Variants in SLC30A9 observed in about 807,000 individuals in gnomAD.
SLC30A9 encodes solute carrier family 30 member 9.
In SLC30A9, 58 loss-of-function variants were observed where a neutral mutation model predicts 87.5. The ratio of observed to expected loss-of-function variants is 0.66; its 90% CI spans 0.54 to 0.82. SLC30A9 has a LOEUF of 0.82. SLC30A9 is among the 40% of genes least tolerant of loss of function. SLC30A9 has a pLI of 0.00. For synonymous variants in SLC30A9, 234 were observed against 233.0 expected (o/e 1.00, Z -0.04); for missense variants, 557 against 679.1 (o/e 0.82, Z 2.00).
chr4:42,028,816 G>A (rs1716298127), intron 6 of SLC30A9, among the ~76,000 whole-genome samples: 1 of 152,132 alleles, frequency 6.6e-6, no homozygotes, highest in Admixed American at 6.5e-5. Context: ...AATTCAAAAT[G>A]GAAATTTTTC....
In SLC30A9 at chr4:41,993,922, C is replaced by T. The variant is rs187306938; in HGVS notation, c.109+3162C>T. On this transcript the variant is annotated intron_variant, in intron 1 of 17. Transcript: ENST00000264451. ...CTGTAATCCCAACACTTTGGGAGGC[C>T]GAGGTAGGGGGATCACCTGAGGTCA... Among the ~76,000 whole-genome samples the T allele has an allele frequency of 1.7e-3, 258 of 152,170 alleles. 1 individual carries two copies. The highest frequency in any genetic ancestry group is 6.0e-3 in the African/African-American group (249 of 41,492).
At chr4:41,997,385 A>C (rs1714766671) in intron 1 of SLC30A9, among the ~76,000 whole-genome samples, 1 of 152,074 alleles carries the variant, frequency 6.6e-6, no homozygotes, top group South Asian at 2.1e-4. Flanking sequence ...TAATGATGTT[A>C]ATAAGACCTT....
At chr4:42,034,315 G>C (rs1309235432) in intron 6 of SLC30A9, among the ~76,000 whole-genome samples, 2 of 151,890 alleles carry the variant, frequency 1.3e-5, no homozygotes, top group Non-Finnish European at 2.9e-5. Context: ...CATTTTTAAA[G>C]GTACAGTTCA....
At position 42,001,875 on chromosome 4, in the gene SLC30A9, A is replaced by C. The variant is rs1715000581; in HGVS notation, c.274+95A>C. 8 of 817,934 alleles carry C rather than the reference A, an allele frequency of 9.8e-6. 1 individual carries two copies. The highest frequency in any genetic ancestry group is 1.6e-5 in the Non-Finnish European group (8 of 515,928). 50.7% of individuals were successfully genotyped at this position (817,934 alleles called of 1,614,324 possible). On this transcript the variant is annotated intron_variant, in intron 2 of 17. Coordinates refer to ENST00000264451, the MANE Select transcript of SLC30A9 (RefSeq NM_006345.4). The stretch of plus-strand genomic sequence containing the variant: ...TGGATGTTTGATAGAACTTACTTAT[A>C]ATACTGTCTGGACTGATGTTTTCTT...
chr4:42,039,612 G>A (rs1057316481), intron 8 of SLC30A9, among the ~76,000 whole-genome samples: 6 of 151,842 alleles, frequency 4.0e-5, no homozygotes, highest in Admixed American at 1.3e-4. Context: ...ATAGGTGCGC[G>A]CCATCATGCC....
At chr4:42,082,443 T>C (rs979900717) in intron 17 of SLC30A9, among the ~76,000 whole-genome samples, 5 of 152,210 alleles carry the variant, frequency 3.3e-5, no homozygotes, top group South Asian at 2.1e-4. Context: ...GTAATTATTA[T>C]TGGATTATTT....
intron 2 of SLC30A9, among the ~76,000 whole-genome samples, chr4:42,014,990 T>C (rs564169582): frequency 6.6e-6 from 1 of 152,294 alleles, no homozygotes; most frequent in South Asian, 2.1e-4. Context: ...TAGTATTTGA[T>C]AGCACAACAG....
chr4:42,061,009 G>A (rs1717824588), intron 10 of SLC30A9, among the ~76,000 whole-genome samples: 1 of 152,120 alleles, frequency 6.6e-6, no homozygotes, highest in Non-Finnish European at 1.5e-5. Context: ...TAGCTCTCTA[G>A]TGTGTTAATT....
chr4:42,058,485 A>G (rs1223384622), intron 9 of SLC30A9, among the ~76,000 whole-genome samples: 1 of 152,136 alleles, frequency 6.6e-6, no homozygotes, highest in African/African-American at 2.4e-5. Flanking sequence ...CCAGTTCCAA[A>G]GTTGCTTCCA....
intron 2 of SLC30A9, among the ~76,000 whole-genome samples, chr4:42,009,193 T>G (rs1475121067): frequency 6.6e-6 from 1 of 152,256 alleles, no homozygotes; most frequent in Non-Finnish European, 1.5e-5. Context: ...AATGTTAGTT[T>G]ATTTTCTTAT....
intron 14 of SLC30A9, among the ~76,000 whole-genome samples, chr4:42,068,366 C>G (rs1453242748): frequency 6.6e-6 from 1 of 152,028 alleles, no homozygotes; most frequent in Non-Finnish European, 1.5e-5. Context: ...GCCTCAGCCT[C>G]CCGAGTAGCT....
intron 1 of SLC30A9, among the ~76,000 whole-genome samples, chr4:42,000,978 A>T (rs76829284): frequency 0.028 from 4,264 of 152,118 alleles, 213 homozygotes; most frequent in African/African-American, 0.097. Context: ...TTGGTTTTCT[A>T]GTACTTGGGT....
chr4:41,993,892 C>T (rs1287665325), intron 1 of SLC30A9, among the ~76,000 whole-genome samples: 7 of 152,122 alleles, frequency 4.6e-5, no homozygotes, highest in African/African-American at 9.7e-5. Flanking sequence ...TGTGTTGGCT[C>T]ATGTCTGTAA....
At chr4:42,052,243 G>A (rs565230923) in intron 9 of SLC30A9, among the ~76,000 whole-genome samples, 1 of 152,042 alleles carries the variant, frequency 6.6e-6, no homozygotes, top group African/African-American at 2.4e-5. Context: ...ATCATAAAAT[G>A]TTGCTGAGAG....
chr4:42,022,982 T>C, intron 5 of SLC30A9, 52 bp downstream of exon 5: 1 of 1,025,136 alleles, frequency 9.8e-7, no homozygotes, highest in East Asian at 2.4e-5. Flanking sequence ...TTTGGATTAA[T>C]AAAAATACAT....
In SLC30A9 at chr4:42,070,638, G is replaced by C. The variant is rs139981842; in HGVS notation, c.1365G>C (p.Gln455His). Residue 455 changes from glutamine to histidine, a missense_variant, in exon 15 of 18, where the codon CAG (glutamine) becomes CAC (histidine). Gln to His is a conservative substitution (Grantham distance 24). This residue lies in a region of SLC30A9 where 90 missense variants were observed against 149.4 expected (regional missense o/e 0.60). Transcript: ENST00000264451. ...AAGCACTCTTAGGGCGGTCCATCCA[G>C]CCAGAACAAGTACAACGGCTCACTG... ...NTEALLGRSI[Q>H]PEQVQRLTEL... is the part of the protein sequence containing the mutation. The C allele has an allele frequency of 2.2e-5, 36 of 1,613,876 alleles. No individual in the cohort carries two copies. The highest frequency in any genetic ancestry group is 1.6e-4 in the Middle Eastern group (1 of 6,082).
intron 7 of SLC30A9, among the ~76,000 whole-genome samples, chr4:42,036,398 C>T (rs946707657): frequency 6.6e-5 from 10 of 152,162 alleles, no homozygotes; most frequent in Non-Finnish European, 1.3e-4. Context: ...TTTGCCTCTA[C>T]TGTTCTACCT....
At chr4:41,995,241 CAA>C (rs1160859167) in intron 1 of SLC30A9, among the ~76,000 whole-genome samples, 1 of 152,154 alleles carries the variant, frequency 6.6e-6, no homozygotes, top group Non-Finnish European at 1.5e-5. Context: ...GCCTGGGCAA[CAA>C]GAGCAAAACT....
intron 1 of SLC30A9, among the ~76,000 whole-genome samples, chr4:41,991,697 CTT>C (rs1208576384): frequency 6.6e-6 from 1 of 152,116 alleles, no homozygotes; most frequent in Non-Finnish European, 1.5e-5. Context: ...GCAGGCAGAT[CTT>C]TTGAGCCCAA....
Sources: allele counts gnomAD v4.1 joint callset (sites outside exome capture counted in the v4.1 genomes callset), GRCh38; gene constraint gnomAD v4.1.1; regional missense constraint gnomAD v4.1.1; transcripts MANE v1.5; gene names NCBI Gene and HGNC (gene_info 2026-07-23, HGNC 2026-07-21).